The following CFAP20DC variants were observed in gnomAD, a reference collection of about 807,000 sequenced individuals.
CFAP20DC encodes the protein protein CFAP20DC.
CFAP20DC carries 84 observed loss-of-function variants against 101.7 expected under a neutral mutation model. That is an observed-to-expected ratio of 0.83 (90% CI 0.69 to 0.99). The LOEUF is 0.99. Ranked by LOEUF, CFAP20DC falls within the 50% of genes least tolerant of loss-of-function variation. CFAP20DC has a pLI of 0.00. For synonymous variants in CFAP20DC, 359 were observed against 351.2 expected (o/e 1.02, Z -0.25); for missense variants, 1,007 against 970.3 (o/e 1.04, Z -0.50).
At chr3:58,975,666 T>C (rs1482361767) in intron 4 of CFAP20DC, among the ~76,000 whole-genome samples, 2 of 152,222 alleles carry the variant, frequency 1.3e-5, no homozygotes, top group Non-Finnish European at 2.9e-5. Flanking sequence ...TAAAAGAGAA[T>C]AACTGCATCA....
intron 7 of CFAP20DC, among the ~76,000 whole-genome samples, chr3:58,875,081 G>C (rs931371542): frequency 4.6e-5 from 7 of 152,258 alleles, no homozygotes; most frequent in South Asian, 4.2e-4. Flanking sequence ...AGGACGTGAG[G>C]GATGAGAGAG....
Position 58,870,262 on chromosome 3 carries a change from G to C in CFAP20DC, c.763C>G (p.Gln255Glu), listed in dbSNP as rs918819351. 33 of 1,613,950 alleles carry C rather than the reference G, an allele frequency of 2.0e-5. No homozygotes were observed. Among genetic ancestry groups the C allele is most frequent in the Non-Finnish European group, 2.7e-5 (32 of 1,179,866 alleles). ...CCAAATGCGATATGACAAACATCTT[G>C]ATTTTTACTGTTCCGTGTAATACTT... is the stretch of plus-strand genomic sequence containing the variant. ...GTSITRNSKN[Q>E]DVCHIAFGSK... The change falls in exon 8 of 17, where the codon CAA becomes GAA. Residue 255 changes from glutamine (Q) to glutamate (E), a missense_variant. Coordinates refer to ENST00000482387, the MANE Select transcript of CFAP20DC (RefSeq NM_001394063.1).
intron 5 of CFAP20DC, among the ~76,000 whole-genome samples, chr3:58,919,140 T>C (rs1192222905): frequency 2.0e-5 from 3 of 152,214 alleles, no homozygotes; most frequent in Non-Finnish European, 2.9e-5. Flanking sequence ...CACTGATTTC[T>C]TTCACCTTAG....
intron 13 of CFAP20DC, among the ~76,000 whole-genome samples, chr3:58,833,398 T>C (rs1463410567): frequency 6.6e-6 from 1 of 151,598 alleles, no homozygotes; most frequent in African/African-American, 2.4e-5. Flanking sequence ...CAATGAAAAA[T>C]GCAAAAATAA....
intron 4 of CFAP20DC, among the ~76,000 whole-genome samples, chr3:58,939,469 A>AT (rs986391379): frequency 9.1e-4 from 139 of 151,990 alleles, no homozygotes; most frequent in African/African-American, 3.1e-3. Context: ...TTTATTTTTT[A>AT]TTTTTTTGAG....
At chr3:58,811,210 A>T (rs1193297223) in intron 14 of CFAP20DC, among the ~76,000 whole-genome samples, 1 of 152,122 alleles carries the variant, frequency 6.6e-6, no homozygotes, top group Non-Finnish European at 1.5e-5. Context: ...ACTACTTTAA[A>T]GTTCATACGG....
At chr3:58,778,874 A>G (rs928167203) in intron 15 of CFAP20DC, among the ~76,000 whole-genome samples, 1 of 152,234 alleles carries the variant, frequency 6.6e-6, no homozygotes, top group East Asian at 1.9e-4. Context: ...ATAGCCCAAG[A>G]TATCATACAG....
intron 5 of CFAP20DC, among the ~76,000 whole-genome samples, chr3:58,931,480 C>A (rs1048156368): frequency 6.6e-6 from 1 of 152,152 alleles, no homozygotes; most frequent in Non-Finnish European, 1.5e-5. Context: ...TCAAGTGGGT[C>A]CCTGACCCCT....
At chr3:58,751,868 A>ACACACACAC (rs1559541321) in intron 16 of CFAP20DC, among the ~76,000 whole-genome samples, 1 of 125,516 alleles carries the variant, frequency 8.0e-6, no homozygotes, top group African/African-American at 3.5e-5. Flanking sequence ...CACACACACA[A>ACACACACAC]AATTTCCTCC....
In CFAP20DC at chr3:58,793,080, T is replaced by C. The variant is rs555043353; in HGVS notation, c.2237+13315A>G. 5.3e-5 allele frequency among the ~76,000 whole-genome samples: 8 copies of C among 152,272 alleles called. No homozygotes were observed. In the South Asian group the frequency reaches 1.2e-3, roughly 24 times the overall value. The stretch of plus-strand genomic sequence containing the variant: ...TGTTTTTAAGGTCAAACTGGAAATA[T>C]GTTGATGATTTACAAAAATGTAAGC... On this transcript the variant is annotated intron_variant, in intron 15 of 16. Coordinates refer to ENST00000482387, the MANE Select transcript of CFAP20DC (RefSeq NM_001394063.1).
chr3:58,819,122 T>A (rs1164149656), intron 14 of CFAP20DC, among the ~76,000 whole-genome samples: 1 of 145,634 alleles, frequency 6.9e-6, no homozygotes, highest in Non-Finnish European at 1.5e-5. Context: ...TACCAGAATC[T>A]CTGGGACGCA....
chr3:58,930,601 C>A (rs2086507152), intron 5 of CFAP20DC, among the ~76,000 whole-genome samples: 1 of 152,168 alleles, frequency 6.6e-6, no homozygotes, highest in South Asian at 2.1e-4. Context: ...TTGATAAACT[C>A]TTTTTAACAA....
chr3:58,899,459 G>A lies in CFAP20DC; in HGVS notation c.550+14249C>T, dbSNP rs2082955231. Among the ~76,000 whole-genome samples the A allele has an allele frequency of 1.3e-5, 2 of 152,166 alleles. No homozygotes were observed. The highest frequency in any genetic ancestry group is 2.9e-5 in the Non-Finnish European group (2 of 68,026). On this transcript the variant is annotated intron_variant, in intron 6 of 16. Coordinates refer to ENST00000482387, the MANE Select transcript of CFAP20DC (RefSeq NM_001394063.1). The surrounding 1 kb of genome is among the most constrained non-coding windows in gnomAD (Gnocchi z 5.0). ...CTGCAGAACATGCTGCTTGGCTTCC[G>A]GGATTCAGTTCCCTTCCTAGGGATG...
intron 13 of CFAP20DC, among the ~76,000 whole-genome samples, chr3:58,845,222 G>C (rs1002786902): frequency 6.6e-6 from 1 of 150,454 alleles, no homozygotes; most frequent in African/African-American, 2.4e-5. Flanking sequence ...ATGAATCCAG[G>C]AGCTGGTTTT....
At chr3:58,802,586 T>C (rs9841584) in intron 15 of CFAP20DC, among the ~76,000 whole-genome samples, 18,354 of 152,178 alleles carry the variant, frequency 0.12, 2,003 homozygotes, top group East Asian at 0.35. Flanking sequence ...ATGGCTTTGT[T>C]GCAAATCTAG....
chr3:58,968,826 C>A (rs1236181936), intron 4 of CFAP20DC, among the ~76,000 whole-genome samples: 1 of 151,922 alleles, frequency 6.6e-6, no homozygotes, highest in Non-Finnish European at 1.5e-5. Context: ...TTTTTCAGGG[C>A]TTTTATAGTT....
chr3:58,749,942 C>T (rs1036829002), intron 16 of CFAP20DC, among the ~76,000 whole-genome samples: 7 of 152,230 alleles, frequency 4.6e-5, no homozygotes, highest in African/African-American at 7.2e-5. Flanking sequence ...GCACCATGTC[C>T]GATAGTAATT....
rs528923733 is a variant in CFAP20DC, at chr3:58,919,580, G to A, written c.394-5716C>T. Among the ~76,000 whole-genome samples the A allele has an allele frequency of 5.9e-5, 9 of 152,288 alleles. No homozygotes were observed. The South Asian group carries it at 1.9e-3, about 32-fold the overall frequency. Reference sequence around the variant, plus strand: ...CAACTGGAATTAGATTGAATCTACGGATCAATATAGAGAGCACTGGCATCT... The same window carrying A: ...CAACTGGAATTAGATTGAATCTACGAATCAATATAGAGAGCACTGGCATCT... On this transcript the variant is annotated intron_variant, in intron 5 of 16. Coordinates refer to ENST00000482387, the MANE Select transcript of CFAP20DC (RefSeq NM_001394063.1).
At chr3:58,960,842 T>C (rs2091073339) in intron 4 of CFAP20DC, among the ~76,000 whole-genome samples, 1 of 152,224 alleles carries the variant, frequency 6.6e-6, no homozygotes, top group Non-Finnish European at 1.5e-5. Context: ...ATCCTTGTTT[T>C]GTTCCTAATC....
Sources: allele counts gnomAD v4.1 joint callset (sites outside exome capture counted in the v4.1 genomes callset), GRCh38; gene constraint gnomAD v4.1.1; non-coding constraint Gnocchi (gnomAD v3.1); transcripts MANE v1.5; gene names NCBI Gene and HGNC (gene_info 2026-07-23, HGNC 2026-07-21).